The following ITFG2 variants were observed in gnomAD, a reference collection of about 807,000 sequenced individuals.
ITFG2 encodes KICSTOR complex protein ITFG2.
In ITFG2, 36 loss-of-function variants were observed where a neutral mutation model predicts 54.4. That is an observed-to-expected ratio of 0.66 (90% CI 0.51 to 0.87). The LOEUF (loss-of-function observed/expected upper bound fraction) is 0.87, where lower values mean the gene tolerates loss of function less well. ITFG2 is among the 40% of genes least tolerant of loss of function. ITFG2 has a pLI of 0.00. For synonymous variants in ITFG2, 211 were observed against 225.4 expected (o/e 0.94, Z 0.57); for missense variants, 524 against 576.7 (o/e 0.91, Z 0.94).
chr12:2,825,348 T>G (rs562956036), downstream of ITFG2: 3 of 152,272 alleles, frequency 2.0e-5, no homozygotes, highest in Non-Finnish European at 4.4e-5. Context: ...AACATCGACA[T>G]AGAGAAACAA....
chr12:2,841,856 C>G (rs1268004938), intron 2 of ITFG2, among the ~76,000 whole-genome samples: 2 of 151,218 alleles, frequency 1.3e-5, no homozygotes, highest in Non-Finnish European at 2.9e-5. Context: ...GTAGCTGGGA[C>G]TACAGGCGCC....
Position 2,818,273 on chromosome 12 carries a change from C to T in ITFG2, c.402C>T (p.Asp134=). The T allele has an allele frequency of 6.2e-7, 1 of 1,612,456 alleles. No homozygotes were observed. Among genetic ancestry groups the T allele is most frequent in the Non-Finnish European group, 8.5e-7 (1 of 1,180,018 alleles). Residue 134 remains aspartate, a synonymous_variant, in exon 4 of 12, where the codon GAC becomes GAT. Transcript: ENST00000228799. ...PANTKVMLIS[D]IDGDGCRELV... ...ACACCAAGGTCATGCTGATCAGCGACATCGGTGGGCATGCCTACCTTTGCA... is the reference window on the plus strand; with the variant it reads ...ACACCAAGGTCATGCTGATCAGCGATATCGGTGGGCATGCCTACCTTTGCA...
chr12:2,825,736 T>G (rs2097963405), downstream of ITFG2: 3 of 152,356 alleles, frequency 2.0e-5, no homozygotes, highest in Admixed American at 6.5e-5. Flanking sequence ...TTGTTCAGGT[T>G]AGCTGTACCA....
chr12:2,827,997 G>A (rs750422512), downstream of ITFG2: 2 of 1,614,150 alleles, frequency 1.2e-6, no homozygotes, highest in African/African-American at 1.3e-5. The surrounding 1 kb of genome is among the most constrained non-coding windows in gnomAD (Gnocchi z 4.0). Flanking sequence ...CTGGGTTGGG[G>A]GCCCAGGGGC....
Position 2,812,682 on chromosome 12 carries a change from T to G in ITFG2, c.-79T>G. The G allele has an allele frequency of 7.9e-7, 1 of 1,258,770 alleles. No homozygotes were observed. Among genetic ancestry groups the G allele is most frequent in the Non-Finnish European group, 1.2e-6 (1 of 863,676 alleles). 78.0% of individuals were successfully genotyped at this position (1,258,770 alleles called of 1,614,324 possible). On this transcript the variant is annotated 5_prime_UTR_variant, in exon 1 of 12. Transcript: ENST00000228799. ...CGTAACTTGCTGCCTTAGGTGGCCT[T>G]CCGCTCTGGCGGCTGTCGCGACGGG...
downstream of ITFG2, among the ~76,000 whole-genome samples, chr12:2,829,709 A>G (rs11613856): frequency 0.31 from 47,527 of 151,742 alleles, 9,513 homozygotes; most frequent in African/African-American, 0.55. Flanking sequence ...TGAGGCTGCA[A>G]TGAGCTCTGA....
intron 2 of ITFG2, chr12:2,849,247 C>T: frequency 6.5e-7 from 1 of 1,535,890 alleles, no homozygotes; most frequent in South Asian, 1.2e-5. Context: ...GTGTCCAGGT[C>T]TTCTCTTCCT....
At chr12:2,848,928 T>C (rs2153928031) in intron 2 of ITFG2, 1 of 358,164 alleles carries the variant, frequency 2.8e-6, no homozygotes, top group South Asian at 3.1e-5. Context: ...CCTTCCCACT[T>C]CTCCTCTCCT....
chr12:2,821,340 A>C lies in ITFG2; in HGVS notation c.774A>C (p.Leu258=), dbSNP rs1336345377. The change falls in exon 7 of 12, where the codon CTA becomes CTC. Residue 258 remains leucine, a synonymous_variant. Coordinates refer to ENST00000228799, the MANE Select transcript of ITFG2 (RefSeq NM_018463.4). The part of the protein sequence containing the change: ...RIHNKNVSTH[L]IGNIKQGHGT... ...ACAACAAGAATGTCTCCACTCACCT[A>C]ATTGGCAACATCAAACAAGGTGAAA... 1 of 1,608,636 alleles carries C rather than the reference A, an allele frequency of 6.2e-7. No individual in the cohort carries two copies. Among genetic ancestry groups the C allele is most frequent in the Non-Finnish European group, 8.5e-7 (1 of 1,177,402 alleles).
At chr12:2,857,173 C>T in intron 2 of ITFG2, 1 of 664,818 alleles carries the variant, frequency 1.5e-6, no homozygotes. Context: ...CTCTTGTGAC[C>T]CTTGGGCCCC....
At chr12:2,853,774 C>T (rs1174389367) in intron 2 of ITFG2, among the ~76,000 whole-genome samples, 3 of 152,076 alleles carry the variant, frequency 2.0e-5, no homozygotes, top group African/African-American at 4.8e-5. Context: ...GGGAAGCATC[C>T]GTGAGTTCCC....
At chr12:2,858,629 G>A in intron 3 of ITFG2, 2 of 1,610,964 alleles carry the variant, frequency 1.2e-6, no homozygotes, top group South Asian at 1.1e-5. Flanking sequence ...CAGGGGCAAG[G>A]GCAGGGCTCT....
At chr12:2,842,530 G>GT (rs1258133207) in intron 2 of ITFG2, among the ~76,000 whole-genome samples, 4 of 152,200 alleles carry the variant, frequency 2.6e-5, no homozygotes, top group East Asian at 2.0e-4. Context: ...GAGGCCAGGA[G>GT]TTTAAGACCA....
intron 2 of ITFG2, 106 bp downstream of exon 2, chr12:2,817,424 C>G: frequency 2.7e-6 from 2 of 732,128 alleles, no homozygotes; most frequent in South Asian, 3.5e-5. Flanking sequence ...TCCTGACTCC[C>G]TAGCTACTGG....
chr12:2,814,468 A>G (rs1169296500), intron 1 of ITFG2, among the ~76,000 whole-genome samples: 3 of 152,118 alleles, frequency 2.0e-5, no homozygotes, highest in Non-Finnish European at 4.4e-5. Flanking sequence ...CTCCATTACT[A>G]TAAGCTCCAT....
In ITFG2 at chr12:2,821,803, A is replaced by G. The variant is rs1018815293; in HGVS notation, c.948+11A>G. On this transcript the variant is annotated intron_variant, in intron 9 of 11. Transcript: ENST00000228799. ...AAACTGGATGTCACCGTGAGTGGAA[A>G]ACCTGGCAGAGCAGAGCATTCCTGC... 2.2e-5 allele frequency: 36 copies of G among 1,602,656 alleles called. No individual in the cohort carries two copies. Among genetic ancestry groups the G allele is most frequent in the Non-Finnish European group, 2.9e-5 (34 of 1,169,972 alleles).
chr12:2,853,860 A>G (rs2098079128), intron 2 of ITFG2, among the ~76,000 whole-genome samples: 1 of 152,000 alleles, frequency 6.6e-6, no homozygotes, highest in African/African-American at 2.4e-5. Flanking sequence ...CCGACTTCTC[A>G]GCCCTGCCTG....
intron 4 of ITFG2, chr12:2,819,752 T>A (rs1196603696): frequency 1.5e-5 from 3 of 199,096 alleles, no homozygotes; most frequent in Admixed American, 5.7e-5. Flanking sequence ...AAGGTAACAT[T>A]TGGTGAAAAA....
chr12:2,855,338 G>T, intron 2 of ITFG2: 1 of 1,532,168 alleles, frequency 6.5e-7, no homozygotes, highest in Non-Finnish European at 8.7e-7. Context: ...GCCAGCTGGT[G>T]GTAGGCTTGC....
Sources: allele counts gnomAD v4.1 joint callset (sites outside exome capture counted in the v4.1 genomes callset), GRCh38; gene constraint gnomAD v4.1.1; non-coding constraint Gnocchi (gnomAD v3.1); transcripts MANE v1.5; gene names NCBI Gene and HGNC (gene_info 2026-07-23, HGNC 2026-07-21).